ALK: variants seen among roughly 807,000 people sequenced by gnomAD.
The protein encoded by ALK is ALK tyrosine kinase receptor.
A neutral mutation model predicts 163.1 loss-of-function variants in ALK; 74 were observed. The observed-to-expected ratio is 0.45, with a 90% CI of 0.38 to 0.55. The LOEUF is 0.55. Ranked by LOEUF, ALK falls within the 20% of genes least tolerant of loss-of-function variation. ALK has a pLI of 0.00. For missense variants in ALK, 2,063 were observed against 2,105.3 expected (o/e 0.98, Z 0.39); for synonymous variants, 960 against 843.2 (o/e 1.14, Z -2.40).
intron 8 of ALK, 142 bp from the exon 9 acceptor site, chr2:29,297,199 G>C (rs1255462523): frequency 1.2e-6 from 1 of 844,256 alleles, no homozygotes. Context: ...CCCACCACCT[G>C]TCTCACCAAG....
At chr2:29,694,156 T>A (rs748822768) in intron 3 of ALK, among the ~76,000 whole-genome samples, 1 of 152,210 alleles carries the variant, frequency 6.6e-6, no homozygotes, top group Non-Finnish European at 1.5e-5. Context: ...TGTCTCTGTC[T>A]AAGAAACTCA....
chr2:29,906,946 T>G (rs866785730), intron 1 of ALK, among the ~76,000 whole-genome samples: 36 of 129,654 alleles, frequency 2.8e-4, no homozygotes, highest in African/African-American at 9.2e-4. Context: ...GGTTTTTTTT[T>G]TTTTTTTTTT....
intron 1 of ALK, among the ~76,000 whole-genome samples, chr2:29,882,755 G>C (rs1666899012): frequency 6.6e-6 from 1 of 152,200 alleles, no homozygotes; most frequent in Non-Finnish European, 1.5e-5. Context: ...CAAAAGGGCT[G>C]TTTATGTTTA....
intron 1 of ALK, among the ~76,000 whole-genome samples, chr2:29,837,830 G>T (rs983632113): frequency 2.6e-5 from 4 of 152,088 alleles, no homozygotes; most frequent in African/African-American, 9.7e-5. Flanking sequence ...AAAGAAGAAA[G>T]AAAATGTGAC....
intron 11 of ALK, among the ~76,000 whole-genome samples, chr2:29,267,730 TA>T (rs1440501957): frequency 6.6e-6 from 1 of 152,044 alleles, no homozygotes; most frequent in African/African-American, 2.4e-5. Flanking sequence ...CCGGATGAAT[TA>T]AAAAAAATGT....
intron 8 of ALK, among the ~76,000 whole-genome samples, chr2:29,313,845 G>A (rs1358516): frequency 0.39 from 59,384 of 151,836 alleles, 12,299 homozygotes; most frequent in Middle Eastern, 0.46. Flanking sequence ...TTTTTCCTCG[G>A]TCTCATGCCA....
At chr2:29,582,903 C>T (rs1259364264) in intron 3 of ALK, among the ~76,000 whole-genome samples, 1 of 138,678 alleles carries the variant, frequency 7.2e-6, no homozygotes, top group African/African-American at 2.7e-5. Flanking sequence ...TGCTTTTTTA[C>T]CCACTCTGGA....
chr2:29,520,505 T>C (rs1018089097), intron 4 of ALK, among the ~76,000 whole-genome samples: 2 of 152,162 alleles, frequency 1.3e-5, no homozygotes, highest in African/African-American at 2.4e-5. Context: ...AAAGAACAAA[T>C]GTGGCCCAGG....
At position 29,629,360 on chromosome 2, in the gene ALK, T is replaced by C. The variant is rs564958587; in HGVS notation, c.952+65490A>G. On this transcript the variant is annotated intron_variant, in intron 3 of 28. Coordinates refer to ENST00000389048, the MANE Select transcript of ALK (RefSeq NM_004304.5). ...AGAATGGCATAAATGGAAAACTGTT[T>C]TCTAACTACAGGTTTCTTCAAGCAG... Among the ~76,000 whole-genome samples the C allele has an allele frequency of 4.5e-4, 69 of 152,280 alleles. No homozygotes were observed. The Middle Eastern group carries it at 0.024, about 53-fold the overall frequency.
chr2:29,528,149 T>G (rs1366094911), intron 4 of ALK, among the ~76,000 whole-genome samples: 2 of 152,210 alleles, frequency 1.3e-5, no homozygotes, highest in Non-Finnish European at 2.9e-5. Flanking sequence ...TGAGGCCCAA[T>G]TCTTCCCTCC....
chr2:29,703,968 C>T (rs1678821571), intron 2 of ALK, among the ~76,000 whole-genome samples: 2 of 152,176 alleles, frequency 1.3e-5, no homozygotes, highest in African/African-American at 4.8e-5. Flanking sequence ...CAGACGGGAG[C>T]TGGTCAGACG....
chr2:29,710,119 A>C lies in ALK; in HGVS notation c.787+7459T>G, dbSNP rs186386812. On this transcript the variant is annotated intron_variant, in intron 2 of 28. Transcript: ENST00000389048. ...TAGTCTCATGAGATCTGATAGTTTT[A>C]TAATGTGGAGTTCCCCTGCACATGC... Among the ~76,000 whole-genome samples, 226 of 152,260 alleles carry C rather than the reference A, an allele frequency of 1.5e-3. 2 individuals are homozygous for C. The highest frequency in any genetic ancestry group is 2.6e-3 in the Non-Finnish European group (179 of 68,018).
chr2:29,894,018 G>T (rs956527022), intron 1 of ALK, among the ~76,000 whole-genome samples: 3 of 152,172 alleles, frequency 2.0e-5, no homozygotes, highest in Non-Finnish European at 4.4e-5. Context: ...CATGTAACTG[G>T]TGATACGAAT....
chr2:29,297,905 A>G (rs1666245206), intron 8 of ALK, among the ~76,000 whole-genome samples: 1 of 152,234 alleles, frequency 6.6e-6, no homozygotes, highest in Non-Finnish European at 1.5e-5. Context: ...TCCTGTAAGA[A>G]AAAATGGTGG....
At chr2:29,231,826 A>G (rs1386497493) in intron 15 of ALK, among the ~76,000 whole-genome samples, 2 of 152,118 alleles carry the variant, frequency 1.3e-5, no homozygotes, top group Non-Finnish European at 2.9e-5. Flanking sequence ...CCCATTAATG[A>G]GGGAGGAGAG....
rs372518347 is a variant in ALK, at chr2:29,822,553, C to G, written c.667+97440G>C. 2.3e-4 allele frequency among the ~76,000 whole-genome samples: 35 copies of G among 152,348 alleles called. No homozygotes were observed. In the East Asian group the frequency reaches 4.6e-3, roughly 20 times the overall value. ...GCTATGATCAGTGGCTAATGCCCAT[C>G]CCTGTTCTCTAGGACTTGAGTGGTG... On this transcript the variant is annotated intron_variant, in intron 1 of 28. Coordinates refer to ENST00000389048, the MANE Select transcript of ALK (RefSeq NM_004304.5).
intron 4 of ALK, among the ~76,000 whole-genome samples, chr2:29,435,694 G>C (rs1187498452): frequency 6.6e-6 from 1 of 151,650 alleles, no homozygotes; most frequent in Non-Finnish European, 1.5e-5. Context: ...AGCAACACAA[G>C]CTTCTCCCTT....
chr2:29,835,267 C>T (rs1294834601), intron 1 of ALK, among the ~76,000 whole-genome samples: 1 of 152,070 alleles, frequency 6.6e-6, no homozygotes, highest in Non-Finnish European at 1.5e-5. Flanking sequence ...ATTCAGTGGC[C>T]ATATTATAGG....
intron 11 of ALK, among the ~76,000 whole-genome samples, chr2:29,274,848 G>A (rs144924293): frequency 6.6e-6 from 1 of 152,308 alleles, no homozygotes; most frequent in Non-Finnish European, 1.5e-5. Flanking sequence ...TCCTTTGGGT[G>A]GGGCCTAGGT....
Sources: allele counts gnomAD v4.1 joint callset (sites outside exome capture counted in the v4.1 genomes callset), GRCh38; gene constraint gnomAD v4.1.1; transcripts MANE v1.5; gene names NCBI Gene and HGNC (gene_info 2026-07-23, HGNC 2026-07-21).